Variants in CSPG5 observed in about 807,000 individuals in gnomAD.
The protein encoded by CSPG5 is chondroitin sulfate proteoglycan 5, also known as acidic leucine-rich EGF-like domain-containing brain protein.
In CSPG5, 25 loss-of-function variants were observed where a neutral mutation model predicts 39.8. The ratio of observed to expected loss-of-function variants is 0.63; its 90% CI spans 0.46 to 0.88. The LOEUF (loss-of-function observed/expected upper bound fraction) is 0.88, where lower values mean the gene tolerates loss of function less well. Ranked by LOEUF, CSPG5 falls within the 40% of genes least tolerant of loss-of-function variation. CSPG5 has a pLI of 0.00. For missense variants in CSPG5, 627 were observed against 702.2 expected (o/e 0.89, Z 1.21); for synonymous variants, 295 against 303.9 (o/e 0.97, Z 0.31).
At position 47,572,673 on chromosome 3, in the gene CSPG5, G is replaced by A; in HGVS notation, c.1382+13C>T. The A allele has an allele frequency of 6.2e-7, 1 of 1,608,644 alleles. No individual in the cohort carries two copies. The highest frequency in any genetic ancestry group is 1.1e-5 in the South Asian group (1 of 90,870). ...CCCTGACCTGGGTGGATGGGTGAGTGACACAGACTCACTTGGTCCTACGCA... is the reference window on the plus strand; with the variant it reads ...CCCTGACCTGGGTGGATGGGTGAGTAACACAGACTCACTTGGTCCTACGCA... On this transcript the variant is annotated intron_variant, in intron 3 of 4. Coordinates refer to ENST00000264723, the MANE Select transcript of CSPG5 (RefSeq NM_006574.4). This position sits in a 1 kb window ranked among gnomAD's most constrained non-coding sequence, Gnocchi z 4.5.
At chr3:47,565,512 C>T (rs1306292564) in intron 4 of CSPG5, among the ~76,000 whole-genome samples, 1 of 152,158 alleles carries the variant, frequency 6.6e-6, no homozygotes, top group Non-Finnish European at 1.5e-5. Flanking sequence ...CCACTGTGGA[C>T]TCACTGCTCC....
At position 47,577,985 on chromosome 3, in the gene CSPG5, AGCCCCGGCCC is replaced by A. The variant is rs2031837570; in HGVS notation, c.98-67_98-58del. 7.3e-7 allele frequency: 1 copy of A among 1,366,572 alleles called. No homozygotes were observed. Among genetic ancestry groups the A allele is most frequent in the African/African-American group, 1.5e-5 (1 of 64,846 alleles). 84.7% of individuals were successfully genotyped at this position (1,366,572 alleles called of 1,614,324 possible). Reference sequence around the variant, plus strand: ...AGGGCGGCGCGCTGAGGAGCCCTGGAGCCCCGGCCCGCCCCGGTCAGGCCCGCTCGCCTAG... The same window carrying A: ...AGGGCGGCGCGCTGAGGAGCCCTGGAGCCCCGGTCAGGCCCGCTCGCCTAG... On this transcript the variant is annotated intron_variant, in intron 1 of 4. Coordinates refer to ENST00000264723, the MANE Select transcript of CSPG5 (RefSeq NM_006574.4). This position sits in a 1 kb window ranked among gnomAD's most constrained non-coding sequence, Gnocchi z 4.7.
In CSPG5 at chr3:47,578,728, C is replaced by G. The variant is rs1283480351; in HGVS notation, c.-35G>C. The G allele has an allele frequency of 2.7e-5, 15 of 553,260 alleles. No homozygotes were observed. The highest frequency in any genetic ancestry group is 3.0e-5 in the Non-Finnish European group (13 of 434,748). 34.3% of individuals were successfully genotyped at this position (553,260 alleles called of 1,614,324 possible). On this transcript the variant is annotated 5_prime_UTR_variant, in exon 1 of 5. Transcript: ENST00000264723. The surrounding 1 kb of genome is among the most constrained non-coding windows in gnomAD (Gnocchi z 6.0). ...CCCCGACCGCTGTCCGCGGTCCGCCCGGCTGGCTGCGCCCTCGGCTCGCCC... is the reference window on the plus strand; with the variant it reads ...CCCCGACCGCTGTCCGCGGTCCGCCGGGCTGGCTGCGCCCTCGGCTCGCCC...
At chr3:47,576,745 C>G in intron 2 of CSPG5, 88 bp downstream of exon 2, 1 of 1,438,148 alleles carries the variant, frequency 7.0e-7, no homozygotes, top group Non-Finnish European at 9.4e-7. Context: ...CAGGCGTGAG[C>G]CAACGCGCCC....
rs2031886059 is a variant in CSPG5 at position 47,578,772 on chromosome 3, C to T, written c.-79G>A. The T allele has an allele frequency of 4.3e-6, 1 of 233,394 alleles. No individual in the cohort carries two copies. 14.5% of individuals were successfully genotyped at this position (233,394 alleles called of 1,614,324 possible). The stretch of plus-strand genomic sequence containing the variant: ...CTCGCCCGGCCGCCGCGCCTCCCGC[C>T]GGTTCTGCGGCCGCCTCAGCCCACG... On this transcript the variant is annotated 5_prime_UTR_variant, in exon 1 of 5. Coordinates refer to ENST00000264723, the MANE Select transcript of CSPG5 (RefSeq NM_006574.4). The surrounding 1 kb of genome is among the most constrained non-coding windows in gnomAD (Gnocchi z 6.0).
upstream of CSPG5, chr3:47,579,997 T>C (rs1006227771): frequency 2.6e-5 from 4 of 152,174 alleles, no homozygotes; most frequent in Admixed American, 2.6e-4. This position sits in a 1 kb window ranked among gnomAD's most constrained non-coding sequence, Gnocchi z 4.2. Flanking sequence ...AAGATGGAGA[T>C]TCTATCTCCT....
chr3:47,562,591 T>C lies in CSPG5; in HGVS notation c.*9A>G, dbSNP rs754483384. 12 of 1,610,390 alleles carry C rather than the reference T, an allele frequency of 7.5e-6. No individual in the cohort carries two copies. In the South Asian group the frequency reaches 1.3e-4, roughly 18 times the overall value. On this transcript the variant is annotated 3_prime_UTR_variant, in exon 5 of 5. Coordinates refer to ENST00000264723, the MANE Select transcript of CSPG5 (RefSeq NM_006574.4). Reference sequence around the variant, plus strand: ...CCACTACCCCCGCTTCCTCTCTTCTTGCTCTGCTTTAGGTTAAATTATTCT... The same window carrying C: ...CCACTACCCCCGCTTCCTCTCTTCTCGCTCTGCTTTAGGTTAAATTATTCT...
Position 47,562,618 on chromosome 3 carries a change from A to T in CSPG5, c.1602T>A (p.Leu534=), listed in dbSNP as rs2031126645. The T allele has an allele frequency of 6.2e-7, 1 of 1,611,892 alleles. No individual in the cohort carries two copies. Among genetic ancestry groups the T allele is most frequent in the Non-Finnish European group, 8.5e-7 (1 of 1,179,080 alleles). ...CTCTGCTTTAGGTTAAATTATTCTG[A>T]AGACAGTTCACATCCAAGTCAGCCT... ...GDQADLDVNC[L]QNNLT The change falls in exon 5 of 5, where the codon CTT becomes CTA. Residue 534 remains leucine (L), a synonymous_variant. Coordinates refer to ENST00000264723, the MANE Select transcript of CSPG5 (RefSeq NM_006574.4).
intron 4 of CSPG5, among the ~76,000 whole-genome samples, chr3:47,563,349 G>A (rs1002918294): frequency 1.3e-5 from 2 of 152,124 alleles, no homozygotes; most frequent in Admixed American, 6.5e-5. Flanking sequence ...AAAGATGCTA[G>A]CTAAAAAGGT....
Position 47,576,924 on chromosome 3 carries a change from C to T in CSPG5, c.1102G>A (p.Gly368Ser). ...ECRSGFVRHN[G>S]SCRSVCDLFP... is the part of the protein sequence containing the mutation. ...AGGTCGCACACTGACCGGCAGGAGC[C>T]GTTATGCCGCACAAAGCCACTGCGG... Residue 368 changes from glycine to serine, a missense_variant, in exon 2 of 5, where the codon GGC (glycine) becomes AGC (serine). Coordinates refer to ENST00000264723, the MANE Select transcript of CSPG5 (RefSeq NM_006574.4). The T allele has an allele frequency of 2.5e-6, 4 of 1,612,322 alleles. No homozygotes were observed. In the South Asian group the frequency reaches 4.4e-5, roughly 18 times the overall value.
intron 2 of CSPG5, among the ~76,000 whole-genome samples, chr3:47,575,032 G>GTTA: frequency 6.6e-6 from 1 of 152,292 alleles, no homozygotes; most frequent in Admixed American, 6.5e-5. Context: ...CTTTCTACAT[G>GTTA]TTATTCTCTG....
intron 4 of CSPG5, among the ~76,000 whole-genome samples, chr3:47,566,474 A>G (rs1339481268): frequency 6.6e-6 from 1 of 152,158 alleles, no homozygotes; most frequent in Non-Finnish European, 1.5e-5. Context: ...TGCCCACAAG[A>G]TCTTGAATAT....
chr3:47,572,957 C>T lies in CSPG5; in HGVS notation c.1194-83G>A. ...AGGGCCTGGGCCCTGACCCCAACACCTATCTCCACAGCCTGTTCCGAAGGC... is the reference window on the plus strand; with the variant it reads ...AGGGCCTGGGCCCTGACCCCAACACTTATCTCCACAGCCTGTTCCGAAGGC... On this transcript the variant is annotated intron_variant, in intron 2 of 4. Transcript: ENST00000264723. This position sits in a 1 kb window ranked among gnomAD's most constrained non-coding sequence, Gnocchi z 4.5. 3 of 1,176,436 alleles carry T rather than the reference C, an allele frequency of 2.6e-6. No homozygotes were observed. Among genetic ancestry groups the T allele is most frequent in the South Asian group, 1.5e-5 (1 of 67,480 alleles). The allele number at this position is 1,176,436 out of a possible 1,614,324, so 72.9% of individuals were successfully genotyped here. A position where few individuals can be genotyped will look rare whatever the true frequency, so the allele number is the denominator to read the frequency against.
At chr3:47,563,602 C>T (rs980352429) in intron 4 of CSPG5, among the ~76,000 whole-genome samples, 3 of 152,118 alleles carry the variant, frequency 2.0e-5, no homozygotes, top group African/African-American at 7.2e-5. Context: ...TCGCCCAGGC[C>T]AGAGTACAGT....
At chr3:47,574,682 G>A (rs1026990410) in intron 2 of CSPG5, among the ~76,000 whole-genome samples, 1 of 152,206 alleles carries the variant, frequency 6.6e-6, no homozygotes, top group Non-Finnish European at 1.5e-5. Flanking sequence ...GCTCACGCCT[G>A]TAATCCCACC....
At position 47,577,340 on chromosome 3, in the gene CSPG5, G is replaced by A; in HGVS notation, c.686C>T (p.Pro229Leu). Residue 229 changes from proline (P) to leucine (L), a missense_variant, in exon 2 of 5, where the codon CCA becomes CTA. Transcript: ENST00000264723. The surrounding 1 kb of genome is among the most constrained non-coding windows in gnomAD (Gnocchi z 4.7). ...EGRGADLGSF[P>L]GSPGTSENHP... ...GTTCTCTGAGGTTCCTGGTGACCCT[G>A]GGAAGCTCCCCAGATCTGCGCCACG... 1 of 1,613,968 alleles carries A rather than the reference G, an allele frequency of 6.2e-7. No homozygotes were observed. Among genetic ancestry groups the A allele is most frequent in the East Asian group, 2.2e-5 (1 of 44,868 alleles).
upstream of CSPG5, chr3:47,579,633 G>C (rs1240384021): frequency 2.6e-5 from 4 of 152,238 alleles, no homozygotes; most frequent in African/African-American, 9.7e-5. The surrounding 1 kb of genome is among the most constrained non-coding windows in gnomAD (Gnocchi z 4.2). Context: ...CCTTCTCCGG[G>C]ATACGTCGTC....
rs771417568 is a variant in CSPG5, at chr3:47,577,367, C to T, written c.659G>A (p.Gly220Asp). Residue 220 changes from glycine to aspartate, a missense_variant, in exon 2 of 5, where the codon GGT becomes GAT. Coordinates refer to ENST00000264723, the MANE Select transcript of CSPG5 (RefSeq NM_006574.4). The surrounding 1 kb of genome is among the most constrained non-coding windows in gnomAD (Gnocchi z 4.7). The stretch of plus-strand genomic sequence containing the variant: ...GAAGCTCCCCAGATCTGCGCCACGA[C>T]CCTCACCATCCAGTCCTTCGAAGTA... ...IDYFEGLDGE[G>D]RGADLGSFPG... 6 of 1,614,150 alleles carry T rather than the reference C, an allele frequency of 3.7e-6. No individual in the cohort carries two copies. The South Asian group carries it at 5.5e-5, about 15-fold the overall frequency.
Position 47,578,148 on chromosome 3 carries a change from C to G in CSPG5, c.98-220G>C, listed in dbSNP as rs1023519754. 1 of 701,106 alleles carries G rather than the reference C, an allele frequency of 1.4e-6. No homozygotes were observed. Among genetic ancestry groups the G allele is most frequent in the Non-Finnish European group, 2.0e-6 (1 of 502,176 alleles). The allele number at this position is 701,106 out of a possible 1,614,324, so 43.4% of individuals were successfully genotyped here. ...GAGGATCACACCCCGCCCAACGCCT[C>G]GCGGCTCGGCCCCGCCCGACCTGCC... On this transcript the variant is annotated intron_variant, in intron 1 of 4. Coordinates refer to ENST00000264723, the MANE Select transcript of CSPG5 (RefSeq NM_006574.4). This position sits in a 1 kb window ranked among gnomAD's most constrained non-coding sequence, Gnocchi z 6.0.
Sources: gnomAD v4.1 joint callset for allele counts (sites outside exome capture counted in the v4.1 genomes callset) on GRCh38, gnomAD v4.1.1 for gene constraint, Gnocchi (gnomAD v3.1) non-coding constraint, MANE v1.5 for transcripts, NCBI Gene and HGNC (gene_info 2026-07-23, HGNC 2026-07-21) for gene names.